The following FAM204A variants were observed in gnomAD, a reference collection of about 807,000 sequenced individuals.
FAM204A encodes family with sequence similarity 204 member A.
Under a neutral mutation model 35.4 loss-of-function variants are expected in FAM204A, and 16 were observed. The observed-to-expected ratio is 0.45, with a 90% CI of 0.31 to 0.69. The LOEUF (loss-of-function observed/expected upper bound fraction) is 0.69, where lower values mean the gene tolerates loss of function less well. Ranked by LOEUF, FAM204A falls within the 30% of genes least tolerant of loss-of-function variation. The pLI is 0.07. For missense variants in FAM204A, 240 were observed against 265.7 expected (o/e 0.90, Z 0.67); for synonymous variants, 76 against 86.9 (o/e 0.88, Z 0.70).
At position 118,310,649 on chromosome 10, in the gene FAM204A, T is replaced by C. The variant is rs960832337; in HGVS notation, c.*208A>G. 9 of 525,116 alleles carry C rather than the reference T, an allele frequency of 1.7e-5. No homozygotes were observed. The highest frequency in any genetic ancestry group is 2.8e-5 in the South Asian group (1 of 35,506). 32.5% of individuals were successfully genotyped at this position (525,116 alleles called of 1,614,324 possible). A position where few individuals can be genotyped will look rare whatever the true frequency, so the allele number is the denominator to read the frequency against. ...TATATTTTTTTTCTTACATTTCTTATACAAATAACAGAATGCTTCATTTTA... is the reference window on the plus strand; with the variant it reads ...TATATTTTTTTTCTTACATTTCTTACACAAATAACAGAATGCTTCATTTTA... On this transcript the variant is annotated 3_prime_UTR_variant, in exon 9 of 9. Transcript: ENST00000369183.
chr10:118,325,452 A>G (rs564774094), intron 7 of FAM204A, among the ~76,000 whole-genome samples: 2 of 152,230 alleles, frequency 1.3e-5, no homozygotes, highest in Admixed American at 1.3e-4. Flanking sequence ...GGATCAAGGC[A>G]CTAAAAAAAA....
chr10:118,336,205 CAGA>C lies in FAM204A; in HGVS notation c.208_210del (p.Ser70del), dbSNP rs1278421958. On this transcript the variant is annotated inframe_deletion, in exon 3 of 9. Transcript: ENST00000369183. ...ACATTCCACATATCTATGGGAATTC[CAGA>C]AGGACACTCTTCATAGGCATTTACA... 6.2e-7 allele frequency: 1 copy of C among 1,613,688 alleles called. No homozygotes were observed.
intron 7 of FAM204A, among the ~76,000 whole-genome samples, chr10:118,324,647 C>T (rs2133279443): frequency 6.6e-6 from 1 of 152,184 alleles, no homozygotes; most frequent in South Asian, 2.1e-4. Flanking sequence ...CAGTCAAATT[C>T]ATGGAGACAG....
In FAM204A at chr10:118,303,076, G is replaced by A. The variant is rs994976394; in HGVS notation, c.*7781C>T. 7 of 152,314 alleles carry A rather than the reference G, an allele frequency of 4.6e-5. No individual in the cohort carries two copies. Among genetic ancestry groups the A allele is most frequent in the Non-Finnish European group, 2.9e-5 (2 of 68,036 alleles). 9.4% of individuals were successfully genotyped at this position (152,314 alleles called of 1,614,324 possible). ...GGGAAGAGGCAAAGGCCTGGCCTGC[G>A]TTCTAACGTCAGCCCTTTTATGCTA... On this transcript the variant is annotated 3_prime_UTR_variant, in exon 9 of 9. Transcript: ENST00000369183.
rs1478168079 is a variant in FAM204A, at chr10:118,335,633, T to C, written c.243A>G (p.Gln81=). The change falls in exon 4 of 9, where the codon CAA becomes CAG. Residue 81 remains glutamine, a synonymous_variant. Transcript: ENST00000369183. ...GTTCAGAATGTTTTTTATGCAATTC[T>C]TGAAATTTCTATGTAAAAGAAAAAA... is the stretch of plus-strand genomic sequence containing the variant. ...GIPIDMWNKF[Q]ELHKKHSEQK... is the part of the protein sequence containing the mutation. 2 of 1,601,752 alleles carry C rather than the reference T, an allele frequency of 1.2e-6. No individual in the cohort carries two copies. Among genetic ancestry groups the C allele is most frequent in the South Asian group, 1.1e-5 (1 of 87,370 alleles).
intron 6 of FAM204A, among the ~76,000 whole-genome samples, chr10:118,329,720 A>C (rs1324779438): frequency 6.6e-6 from 1 of 152,154 alleles, no homozygotes; most frequent in Non-Finnish European, 1.5e-5. Flanking sequence ...GCTGTGTGTC[A>C]CCGGCTTGGT....
At chr10:118,320,251 AAATT>A (rs1310089229) in intron 7 of FAM204A, among the ~76,000 whole-genome samples, 3 of 150,030 alleles carry the variant, frequency 2.0e-5, no homozygotes, top group Non-Finnish European at 4.4e-5. Context: ...TTATAATAAA[AAATT>A]AATTTATTAA....
chr10:118,314,999 G>T (rs1338912809), intron 7 of FAM204A, among the ~76,000 whole-genome samples: 1 of 152,074 alleles, frequency 6.6e-6, no homozygotes, highest in East Asian at 1.9e-4. Flanking sequence ...CTTTCAAAAA[G>T]ATTAATGGTA....
intron 6 of FAM204A, among the ~76,000 whole-genome samples, chr10:118,326,846 A>T (rs2133281925): frequency 6.6e-6 from 1 of 152,346 alleles, no homozygotes; most frequent in Non-Finnish European, 1.5e-5. Context: ...GACTATGACC[A>T]TTAGGCTGAA....
Position 118,303,150 on chromosome 10 carries a change from T to G in FAM204A, c.*7707A>C, listed in dbSNP as rs1220044485. The stretch of plus-strand genomic sequence containing the variant: ...TAAACTTCCCAGCACCTTGATTTCC[T>G]CATCTAAAAAACAAGTATAATGTGT... On this transcript the variant is annotated 3_prime_UTR_variant, in exon 9 of 9. Coordinates refer to ENST00000369183, the MANE Select transcript of FAM204A (RefSeq NM_022063.3). The G allele has an allele frequency of 6.6e-6, 1 of 152,230 alleles. No individual in the cohort carries two copies. Among genetic ancestry groups the G allele is most frequent in the Non-Finnish European group, 1.5e-5 (1 of 68,054 alleles). 9.4% of individuals were successfully genotyped at this position (152,230 alleles called of 1,614,324 possible).
chr10:118,311,700 A>G (rs1368025602), intron 7 of FAM204A, among the ~76,000 whole-genome samples: 4 of 152,336 alleles, frequency 2.6e-5, no homozygotes, highest in South Asian at 2.1e-4. Flanking sequence ...CTAGAATTAC[A>G]GCAACTCAGT....
At position 118,312,037 on chromosome 10, in the gene FAM204A, T is replaced by A. The variant is rs145517595; in HGVS notation, c.544-724A>T. Among the ~76,000 whole-genome samples the A allele has an allele frequency of 7.2e-5, 11 of 152,270 alleles. 1 individual carries two copies. Among genetic ancestry groups the A allele is most frequent in the African/African-American group, 2.6e-4 (11 of 41,562 alleles). ...TTAACTCAACCTAAAACAGTCCCTG[T>A]TTCTCCAGCCCTCCAGCTTTCAGTT... On this transcript the variant is annotated intron_variant, in intron 7 of 8. Coordinates refer to ENST00000369183, the MANE Select transcript of FAM204A (RefSeq NM_022063.3).
chr10:118,321,211 T>C (rs144589888), intron 7 of FAM204A, among the ~76,000 whole-genome samples: 1 of 152,122 alleles, frequency 6.6e-6, no homozygotes, highest in East Asian at 1.9e-4. Context: ...ATTTAATTCA[T>C]AAAGGGCTTC....
chr10:118,323,058 AACTG>A (rs1846143206), intron 7 of FAM204A, among the ~76,000 whole-genome samples: 2 of 152,246 alleles, frequency 1.3e-5, no homozygotes, highest in South Asian at 2.1e-4. Context: ...AATCTGAGGA[AACTG>A]ACTGACTTGG....
Position 118,336,215 on chromosome 10 carries a change from C to A in FAM204A, c.201G>T (p.Glu67Asp), listed in dbSNP as rs769675559. Residue 67 changes from glutamate (E) to aspartate (D), a missense_variant, in exon 3 of 9, where the codon GAG (glutamate) becomes GAT (aspartate). Coordinates refer to ENST00000369183, the MANE Select transcript of FAM204A (RefSeq NM_022063.3). ...TATCTATGGGAATTCCAGAAGGACACTCTTCATAGGCATTTACATTTGACT... is the reference window on the plus strand; with the variant it reads ...TATCTATGGGAATTCCAGAAGGACAATCTTCATAGGCATTTACATTTGACT... ...ETESNVNAYE[E>D]CPSGIPIDMW... The A allele has an allele frequency of 6.2e-7, 1 of 1,613,798 alleles. No homozygotes were observed. The highest frequency in any genetic ancestry group is 1.1e-5 in the South Asian group (1 of 91,062).
intron 7 of FAM204A, among the ~76,000 whole-genome samples, chr10:118,320,067 C>T (rs982534884): frequency 4.0e-5 from 6 of 151,892 alleles, no homozygotes; most frequent in Non-Finnish European, 8.8e-5. Flanking sequence ...CAGAAACTCA[C>T]GGTTCTGCTG....
chr10:118,312,524 G>C lies in FAM204A; in HGVS notation c.544-1211C>G, dbSNP rs555885941. On this transcript the variant is annotated intron_variant, in intron 7 of 8. Transcript: ENST00000369183. ...GTTTCCTTTAGGATGAAATCGACAA[G>C]TAGTAATCAAGCACTGTCTGTAGTT... is the stretch of plus-strand genomic sequence containing the variant. 2.0e-5 allele frequency among the ~76,000 whole-genome samples: 3 copies of C among 152,340 alleles called. No individual in the cohort carries two copies. The South Asian group carries it at 6.2e-4, about 32-fold the overall frequency.
intron 6 of FAM204A, among the ~76,000 whole-genome samples, chr10:118,327,487 G>A (rs1349980185): frequency 2.6e-5 from 4 of 152,114 alleles, no homozygotes; most frequent in Admixed American, 1.3e-4. Context: ...ATTCAACAGC[G>A]CTTCATAGTC....
intron 7 of FAM204A, among the ~76,000 whole-genome samples, chr10:118,313,622 C>T (rs531868720): frequency 1.3e-5 from 2 of 152,280 alleles, no homozygotes; most frequent in African/African-American, 2.4e-5. Context: ...TCTTCCCCAT[C>T]GCCAAAACGT....
Sources: allele counts gnomAD v4.1 joint callset (sites outside exome capture counted in the v4.1 genomes callset), GRCh38; gene constraint gnomAD v4.1.1; transcripts MANE v1.5; gene names NCBI Gene and HGNC (gene_info 2026-07-23, HGNC 2026-07-21).